MOGAT1: variants seen among roughly 807,000 people sequenced by gnomAD.
MOGAT1 encodes 2-acylglycerol O-acyltransferase 1.
A neutral mutation model predicts 31.4 loss-of-function variants in MOGAT1; 32 were observed. That is an observed-to-expected ratio of 1.02 (90% confidence interval 0.77 to 1.37). The LOEUF (loss-of-function observed/expected upper bound fraction) is 1.37, where lower values mean the gene tolerates loss of function less well. Among genes scored for constraint, MOGAT1 ranks in the 40% most tolerant of loss-of-function variants. The pLI is 0.00. For synonymous variants in MOGAT1, 145 were observed against 144.5 expected, an observed-to-expected ratio of 1.00 and a Z score of -0.03; for missense variants, 426 against 402.0, an observed-to-expected ratio of 1.06 and a Z score of -0.51.
intron 4 of MOGAT1, among the ~76,000 whole-genome samples, chr2:222,694,824 T>A (rs1318605073): frequency 6.6e-6 from 1 of 152,284 alleles, no homozygotes; most frequent in Admixed American, 6.5e-5. Context: ...AAATCAACAG[T>A]GGCCAAAGCT....
intron 3 of MOGAT1, among the ~76,000 whole-genome samples, chr2:222,691,326 G>A (rs1312531897): frequency 2.0e-5 from 3 of 151,978 alleles, no homozygotes; most frequent in African/African-American, 4.8e-5. Flanking sequence ...TCCTGCCTCA[G>A]CCTCCCAAGC....
At chr2:222,675,388 G>A (rs1299469022) in intron 1 of MOGAT1, among the ~76,000 whole-genome samples, 1 of 152,116 alleles carries the variant, frequency 6.6e-6, no homozygotes, top group East Asian at 1.9e-4. Context: ...GTGATGACTG[G>A]CATGCTGCAA....
intron 5 of MOGAT1, among the ~76,000 whole-genome samples, chr2:222,707,334 AAAAAGAAAGAAAG>A (rs1693018058): frequency 7.0e-6 from 1 of 142,598 alleles, no homozygotes; most frequent in African/African-American, 2.7e-5. Context: ...AGAAAGAAAG[AAAAAGAAAGAAAG>A]AAAAAGAAAG....
At chr2:222,685,318 C>G (rs1203514893) in intron 1 of MOGAT1, among the ~76,000 whole-genome samples, 1 of 152,122 alleles carries the variant, frequency 6.6e-6, no homozygotes, top group Non-Finnish European at 1.5e-5. Flanking sequence ...GAACTGTACA[C>G]CCTCATGTTA....
chr2:222,708,196 G>A (rs1213708507), intron 5 of MOGAT1, among the ~76,000 whole-genome samples: 1 of 152,138 alleles, frequency 6.6e-6, no homozygotes, highest in East Asian at 1.9e-4. Flanking sequence ...AGGTTGTCCT[G>A]CCTCAGCCTC....
chr2:222,692,863 T>A (rs1047567620), intron 3 of MOGAT1, among the ~76,000 whole-genome samples: 2 of 152,148 alleles, frequency 1.3e-5, no homozygotes, highest in Non-Finnish European at 2.9e-5. Flanking sequence ...CAAGAGGCCC[T>A]CTTCCTGGTG....
intron 5 of MOGAT1, among the ~76,000 whole-genome samples, chr2:222,706,219 T>A (rs1379844854): frequency 2.6e-5 from 4 of 152,132 alleles, no homozygotes; most frequent in Admixed American, 6.5e-5. Flanking sequence ...ACGCCTATAA[T>A]CCCAGCACTT....
At chr2:222,698,482 A>G (rs951359226) in intron 5 of MOGAT1, 1 of 152,244 alleles carries the variant, frequency 6.6e-6, no homozygotes, top group African/African-American at 2.4e-5. Context: ...GTGATCCTGA[A>G]CAGGAAACAT....
At chr2:222,685,064 T>C (rs560285847) in intron 1 of MOGAT1, among the ~76,000 whole-genome samples, 57 of 152,262 alleles carry the variant, frequency 3.7e-4, no homozygotes, top group Admixed American at 1.6e-3. Context: ...AAACAGCTAA[T>C]GTGAAATAAT....
intron 5 of MOGAT1, among the ~76,000 whole-genome samples, chr2:222,696,937 G>A (rs530651039): frequency 7.2e-5 from 11 of 152,276 alleles, no homozygotes; most frequent in African/African-American, 2.6e-4. Context: ...TGCTTTGGGA[G>A]GCTGTGGAAG....
intron 5 of MOGAT1, among the ~76,000 whole-genome samples, chr2:222,704,022 T>C (rs904021521): frequency 6.6e-6 from 1 of 152,050 alleles, no homozygotes; most frequent in Non-Finnish European, 1.5e-5. Context: ...TCTTGAATTG[T>C]TGGATGGAAT....
intron 3 of MOGAT1, among the ~76,000 whole-genome samples, chr2:222,692,304 T>C (rs1223456943): frequency 1.3e-5 from 2 of 152,236 alleles, no homozygotes; most frequent in Admixed American, 1.3e-4. Context: ...ACTTAATGAT[T>C]GATTCATCCT....
intron 5 of MOGAT1, among the ~76,000 whole-genome samples, chr2:222,706,050 C>T (rs1693000258): frequency 6.6e-6 from 1 of 152,154 alleles, no homozygotes. Flanking sequence ...GGGTTTAAGT[C>T]GTATTAATTT....
intron 1 of MOGAT1, among the ~76,000 whole-genome samples, chr2:222,687,646 G>C (rs1301003270): frequency 6.6e-6 from 1 of 152,152 alleles, no homozygotes; most frequent in Non-Finnish European, 1.5e-5. Context: ...AAACAATTAG[G>C]ATTGCTCTCT....
At chr2:222,674,459 A>AT (rs1386204231) in intron 1 of MOGAT1, among the ~76,000 whole-genome samples, 6 of 151,656 alleles carry the variant, frequency 4.0e-5, no homozygotes, top group East Asian at 3.9e-4. Flanking sequence ...TTTTTGTATA[A>AT]TTTTTTTTTA....
chr2:222,697,398 A>G (rs968156177), intron 5 of MOGAT1, among the ~76,000 whole-genome samples: 2 of 152,080 alleles, frequency 1.3e-5, no homozygotes, highest in Non-Finnish European at 2.9e-5. Context: ...ATGTGGGTCA[A>G]ATGGAAGAAA....
chr2:222,709,246 G>A (rs1164351668), intron 5 of MOGAT1, among the ~76,000 whole-genome samples: 1 of 152,180 alleles, frequency 6.6e-6, no homozygotes, highest in Non-Finnish European at 1.5e-5. Context: ...GCTTGAACTC[G>A]GGAGGCGGAG....
chr2:222,692,420 T>A (rs1390998627), intron 3 of MOGAT1, among the ~76,000 whole-genome samples: 1 of 152,200 alleles, frequency 6.6e-6, no homozygotes, highest in African/African-American at 2.4e-5. Flanking sequence ...GATCAGTCAA[T>A]GTGGTGGCTA....
chr2:222,689,129 C>T (rs1692720275), intron 2 of MOGAT1, 136 bp from the exon 3 acceptor site: 2 of 743,822 alleles, frequency 2.7e-6, no homozygotes, highest in Non-Finnish European at 4.3e-6. Flanking sequence ...AATTTGGAAA[C>T]AGCTCCAACC....
Sources: allele counts gnomAD v4.1 joint callset (sites outside exome capture counted in the v4.1 genomes callset), GRCh38; gene constraint gnomAD v4.1.1; transcripts MANE v1.5; gene names NCBI Gene and HGNC (gene_info 2026-07-23, HGNC 2026-07-21).